HDAC8: variants seen among roughly 807,000 people sequenced by gnomAD.
HDAC8 encodes the protein histone deacetylase-like 1.
HDAC8 carries 1 observed loss-of-function variant against 32.2 expected under a neutral mutation model. That is an observed-to-expected ratio of 0.03 (90% CI 0.01 to 0.15). The LOEUF is 0.15. Ranked by LOEUF, HDAC8 falls within the 10% of genes least tolerant of loss-of-function variation. The pLI is 1.00. For synonymous variants in HDAC8, 108 were observed against 113.9 expected (o/e 0.95, Z 0.33); for missense variants, 117 against 300.0 (o/e 0.39, Z 4.51).
At chrX:72,513,852 T>G (rs1205252259) in intron 4 of HDAC8, among the ~76,000 whole-genome samples, 1 of 111,819 alleles carries the variant, frequency 8.9e-6, no homozygotes, top group African/African-American at 3.3e-5. Context: ...GACCCATTGT[T>G]CAACTGTCCC....
intron 10 of HDAC8, among the ~76,000 whole-genome samples, chrX:72,343,080 C>A (rs1248217253): frequency 9.0e-6 from 1 of 111,254 alleles, no homozygotes; most frequent in East Asian, 2.8e-4. Flanking sequence ...TTTTAATACA[C>A]ATTGAAACAT....
chrX:72,361,180 A>G (rs912403438), intron 9 of HDAC8, among the ~76,000 whole-genome samples: 10 of 112,178 alleles, frequency 8.9e-5, no homozygotes, highest in South Asian at 3.7e-4. Flanking sequence ...CTCTGAACAC[A>G]GAGTTGGCAC....
chrX:72,513,822 A>C (rs189626100), intron 4 of HDAC8, among the ~76,000 whole-genome samples: 341 of 111,931 alleles, frequency 3.0e-3, no homozygotes, highest in African/African-American at 8.7e-3. Flanking sequence ...TACCAAAATC[A>C]GGAAGCTTTA....
At chrX:72,476,433 G>A (rs1010829515) in intron 7 of HDAC8, among the ~76,000 whole-genome samples, 1 of 110,800 alleles carries the variant, frequency 9.0e-6, no homozygotes, top group African/African-American at 3.3e-5. Flanking sequence ...TTTGATCTGG[G>A]GTATGTCATT....
chrX:72,371,610 CAG>C (rs2044878427), intron 9 of HDAC8, among the ~76,000 whole-genome samples: 1 of 111,886 alleles, frequency 8.9e-6, no homozygotes, highest in African/African-American at 3.3e-5. Context: ...AGAGAGGAGA[CAG>C]AGTGCAATAG....
At chrX:72,333,036 C>CTAAGGGAATGA (rs2043573798) in intron 10 of HDAC8, among the ~76,000 whole-genome samples, 2 of 111,628 alleles carry the variant, frequency 1.8e-5, no homozygotes, top group Non-Finnish European at 3.8e-5. Context: ...CTTTTCATTC[C>CTAAGGGAATGA]CTTAACAGGG....
intron 9 of HDAC8, among the ~76,000 whole-genome samples, chrX:72,461,591 T>C (rs999365752): frequency 1.3e-4 from 15 of 111,399 alleles, no homozygotes; most frequent in African/African-American, 4.9e-4. Flanking sequence ...AGATCAGGAC[T>C]ACCACCAAAG....
At chrX:72,438,239 T>A (rs1444250059) in intron 9 of HDAC8, among the ~76,000 whole-genome samples, 1 of 112,023 alleles carries the variant, frequency 8.9e-6, no homozygotes, top group African/African-American at 3.2e-5. Flanking sequence ...CCAGCACACC[T>A]GCAGCAGAGA....
intron 9 of HDAC8, among the ~76,000 whole-genome samples, chrX:72,445,227 C>G (rs1335086366): frequency 9.1e-6 from 1 of 110,206 alleles, no homozygotes; most frequent in Admixed American, 9.7e-5. Flanking sequence ...ATCACCAAGT[C>G]AATCCTAAGC....
chrX:72,441,158 T>C (rs1180077687), intron 9 of HDAC8, among the ~76,000 whole-genome samples: 1 of 112,873 alleles, frequency 8.9e-6, no homozygotes, highest in Non-Finnish European at 1.9e-5. Context: ...TAAATGTCCC[T>C]GTGTGACAGC....
At chrX:72,357,014 C>T (rs1166588445) in intron 9 of HDAC8, among the ~76,000 whole-genome samples, 2 of 110,851 alleles carry the variant, frequency 1.8e-5, no homozygotes, top group South Asian at 7.7e-4. Flanking sequence ...TAGAAGGCTG[C>T]TGCTGTAGCC....
chrX:72,332,425 G>C (rs1394453328), intron 10 of HDAC8, among the ~76,000 whole-genome samples: 1 of 111,739 alleles, frequency 8.9e-6, no homozygotes, highest in Non-Finnish European at 1.9e-5. Flanking sequence ...TGGTTTCTCA[G>C]CATTCTTGCT....
intron 4 of HDAC8, among the ~76,000 whole-genome samples, chrX:72,566,080 G>A (rs1333784079): frequency 2.7e-5 from 3 of 110,220 alleles, no homozygotes; most frequent in Non-Finnish European, 5.7e-5. Context: ...CCAGGAGTTC[G>A]AGACTGCAGT....
At chrX:72,534,020 G>GA (rs1226577186) in intron 4 of HDAC8, among the ~76,000 whole-genome samples, 385 of 106,020 alleles carry the variant, frequency 3.6e-3, no homozygotes, top group Middle Eastern at 9.7e-3. Context: ...TTGGCAAGAA[G>GA]AAAAAAAAAG....
chrX:72,552,889 G>C (rs958952801), intron 4 of HDAC8, among the ~76,000 whole-genome samples: 2 of 109,809 alleles, frequency 1.8e-5, no homozygotes, highest in Non-Finnish European at 3.8e-5. Flanking sequence ...TGTTAACATT[G>C]TGTTTTATTT....
At chrX:72,448,861 T>A (rs1007442201) in intron 9 of HDAC8, among the ~76,000 whole-genome samples, 18 of 112,049 alleles carry the variant, frequency 1.6e-4, no homozygotes, top group Non-Finnish European at 2.1e-4. Flanking sequence ...GAAATGCAAA[T>A]CAAAACCACA....
intron 4 of HDAC8, among the ~76,000 whole-genome samples, chrX:72,530,971 C>T (rs1307888250): frequency 8.0e-5 from 9 of 111,808 alleles, no homozygotes; most frequent in African/African-American, 2.6e-4. Context: ...ACAATTAAGC[C>T]GTGCCTTGAA....
At chrX:72,537,706 G>C (rs1247948194) in intron 4 of HDAC8, among the ~76,000 whole-genome samples, 1 of 112,073 alleles carries the variant, frequency 8.9e-6, no homozygotes, top group Non-Finnish European at 1.9e-5. Context: ...CAGTTGACTT[G>C]ATCCACTTTA....
At chrX:72,439,887 A>T (rs1225602815) in intron 9 of HDAC8, among the ~76,000 whole-genome samples, 2 of 111,578 alleles carry the variant, frequency 1.8e-5, no homozygotes, top group Non-Finnish European at 3.8e-5. Flanking sequence ...AGACTTTAAC[A>T]CCCCACTGTC....
Sources: gnomAD v4.1 joint callset for allele counts (sites outside exome capture counted in the v4.1 genomes callset) on GRCh38, gnomAD v4.1.1 for gene constraint, MANE v1.5 for transcripts, NCBI Gene and HGNC (gene_info 2026-07-23, HGNC 2026-07-21) for gene names.